The following LRP1B variants were observed in gnomAD, a reference collection of about 807,000 sequenced individuals.
The protein encoded by LRP1B is LDL receptor related protein 1B.
A neutral mutation model predicts 556.6 loss-of-function variants in LRP1B; 217 were observed. The observed-to-expected ratio is 0.39, with a 90% CI of 0.35 to 0.44. The LOEUF (loss-of-function observed/expected upper bound fraction) is 0.44, where lower values mean the gene tolerates loss of function less well. Ranked by LOEUF, LRP1B falls within the 20% of genes least tolerant of loss-of-function variation. The pLI is 1.00. For synonymous variants in LRP1B, 2,047 were observed against 1,865.8 expected, an observed-to-expected ratio of 1.10 and a Z score of -2.50; for missense variants, 5,053 against 5,620.8, an observed-to-expected ratio of 0.90 and a Z score of 3.23.
chr2:141,354,743 C>G (rs937130326), intron 3 of LRP1B, among the ~76,000 whole-genome samples: 2 of 151,602 alleles, frequency 1.3e-5, no homozygotes, highest in African/African-American at 4.9e-5. Context: ...GAAACAGCTT[C>G]TACTCAAGTA....
At chr2:141,533,511 A>G (rs1684963705) in intron 2 of LRP1B, among the ~76,000 whole-genome samples, 1 of 152,344 alleles carries the variant, frequency 6.6e-6, no homozygotes, top group African/African-American at 2.4e-5. Context: ...CCAATTACGG[A>G]TAAATGCTAT....
chr2:140,530,454 T>C (rs750470049), intron 47 of LRP1B, among the ~76,000 whole-genome samples: 3 of 152,084 alleles, frequency 2.0e-5, no homozygotes, highest in African/African-American at 7.2e-5. Flanking sequence ...ATAATATAAG[T>C]CTTTATCAGA....
At chr2:141,492,413 C>T (rs1683368504) in intron 2 of LRP1B, among the ~76,000 whole-genome samples, 1 of 152,220 alleles carries the variant, frequency 6.6e-6, no homozygotes, top group Admixed American at 6.5e-5. Context: ...GAGAAGTTTG[C>T]TCTGTGACTG....
chr2:141,428,421 A>C (rs1680449627), intron 3 of LRP1B, among the ~76,000 whole-genome samples: 1 of 152,202 alleles, frequency 6.6e-6, no homozygotes, highest in African/African-American at 2.4e-5. Context: ...ATATTTAAAA[A>C]AAAATCTAAT....
At chr2:141,642,407 A>G (rs144065045) in intron 2 of LRP1B, among the ~76,000 whole-genome samples, 26 of 152,288 alleles carry the variant, frequency 1.7e-4, no homozygotes, top group African/African-American at 6.3e-4. Flanking sequence ...CAAATTTCCT[A>G]TCATATGAGC....
intron 1 of LRP1B, among the ~76,000 whole-genome samples, chr2:142,039,836 A>G (rs1704004975): frequency 1.3e-5 from 2 of 151,586 alleles, no homozygotes; most frequent in Admixed American, 6.6e-5. Flanking sequence ...AGTCATTGCT[A>G]AAGTGTTGAA....
chr2:141,435,216 G>GTACAAAAATATATT (rs1680718564), intron 3 of LRP1B, among the ~76,000 whole-genome samples: 1 of 152,062 alleles, frequency 6.6e-6, no homozygotes. Flanking sequence ...TTGGTCAGAG[G>GTACAAAAATATATT]TTGTATTTAA....
At chr2:141,812,266 A>G (rs550752378) in intron 1 of LRP1B, among the ~76,000 whole-genome samples, 1 of 152,214 alleles carries the variant, frequency 6.6e-6, no homozygotes, top group South Asian at 2.1e-4. Context: ...GAGACCATAT[A>G]ATTTATCACC....
At position 141,045,717 on chromosome 2, in the gene LRP1B, T is replaced by C. The variant is rs187422905; in HGVS notation, c.1789+3269A>G. On this transcript the variant is annotated intron_variant, in intron 11 of 90. Transcript: ENST00000389484. ...AAGCTTTATCCTCTTTACTGAAGCA[T>C]TCCTATCACCTAGAACAGCACCTGG... is the stretch of plus-strand genomic sequence containing the variant. Among the ~76,000 whole-genome samples, 406 of 152,214 alleles carry C rather than the reference T, an allele frequency of 2.7e-3. 1 individual carries two copies. Among genetic ancestry groups the C allele is most frequent in the Non-Finnish European group, 4.8e-3 (328 of 67,998 alleles).
chr2:140,691,003 G>A lies in LRP1B; in HGVS notation c.6799+9247C>T, dbSNP rs187370483. ...TTTTACATTTTGAGAACGAATGTCT[G>A]TATTCTATGATCAAATTAAAACTAT... On this transcript the variant is annotated intron_variant, in intron 41 of 90. Transcript: ENST00000389484. Among the ~76,000 whole-genome samples, 211 of 152,194 alleles carry A rather than the reference G, an allele frequency of 1.4e-3. 1 individual carries two copies. Among genetic ancestry groups the A allele is most frequent in the African/African-American group, 4.7e-3 (197 of 41,536 alleles).
rs749846251 is a variant in LRP1B, at chr2:140,982,128, T to C, written c.2887+32A>G. ...GTAGGGTATCCTATCTGACACAATC[T>C]GTAATAATAACATGTCTCACTCACA... On this transcript the variant is annotated intron_variant, in intron 18 of 90. Transcript: ENST00000389484. 22 of 1,527,530 alleles carry C rather than the reference T, an allele frequency of 1.4e-5. No homozygotes were observed. The Admixed American group carries it at 3.7e-4, about 26-fold the overall frequency. The allele number at this position is 1,527,530 out of a possible 1,614,324, so 94.6% of individuals were successfully genotyped here.
At chr2:141,250,092 G>T (rs2105332529) in intron 4 of LRP1B, among the ~76,000 whole-genome samples, 1 of 152,308 alleles carries the variant, frequency 6.6e-6, no homozygotes, top group South Asian at 2.1e-4. Context: ...TATTAAGTGG[G>T]TTAAACTGAT....
At chr2:141,227,759 T>G (rs1683302079) in intron 6 of LRP1B, among the ~76,000 whole-genome samples, 1 of 152,206 alleles carries the variant, frequency 6.6e-6, no homozygotes, top group East Asian at 1.9e-4. Context: ...ATTACAATGA[T>G]CAAACATTAC....
At chr2:140,942,674 T>A (rs1172565721) in intron 20 of LRP1B, among the ~76,000 whole-genome samples, 1 of 150,990 alleles carries the variant, frequency 6.6e-6, no homozygotes, top group East Asian at 2.0e-4. Flanking sequence ...GAATTTCATA[T>A]CCTGCCAAAC....
intron 21 of LRP1B, among the ~76,000 whole-genome samples, chr2:140,920,511 T>C (rs951712061): frequency 2.6e-5 from 4 of 152,018 alleles, no homozygotes; most frequent in Admixed American, 1.3e-4. Context: ...AGTTTAAAGG[T>C]CTTATAGCTT....
intron 2 of LRP1B, among the ~76,000 whole-genome samples, chr2:141,740,725 G>A (rs1386481543): frequency 6.6e-6 from 1 of 152,112 alleles, no homozygotes; most frequent in Non-Finnish European, 1.5e-5. Flanking sequence ...TTGTGGCTGT[G>A]GACTCTGAAG....
In LRP1B at chr2:141,822,122, C is replaced by CAGAG. The variant is rs1427035383; in HGVS notation, c.83-11722_83-11721insCTCT. On this transcript the variant is annotated intron_variant, in intron 1 of 90. Transcript: ENST00000389484. The stretch of plus-strand genomic sequence containing the variant: ...ACACACACACACACACACACACACA[C>CAGAG]ACACACACAGAGAGAGAGAGAGAGA... 9.4e-3 allele frequency among the ~76,000 whole-genome samples: 997 copies of CAGAG among 106,124 alleles called. 7 individuals carry two copies. Among genetic ancestry groups the CAGAG allele is most frequent in the Non-Finnish European group, 0.012 (653 of 54,512 alleles). The allele number at this position is 106,124 out of a possible 152,430, so 69.6% of individuals were successfully genotyped here.
At chr2:142,034,848 A>G (rs947080720) in intron 1 of LRP1B, among the ~76,000 whole-genome samples, 2 of 151,784 alleles carry the variant, frequency 1.3e-5, no homozygotes, top group African/African-American at 4.8e-5. Flanking sequence ...GGCAAATAGT[A>G]GCTCTTCAAT....
chr2:141,166,529 T>A (rs1680269826), intron 7 of LRP1B, among the ~76,000 whole-genome samples: 1 of 151,940 alleles, frequency 6.6e-6, no homozygotes, highest in Non-Finnish European at 1.5e-5. Context: ...TTCTTTATGT[T>A]ACAAACATTC....
Sources: gnomAD v4.1 joint callset for allele counts (sites outside exome capture counted in the v4.1 genomes callset) on GRCh38, gnomAD v4.1.1 for gene constraint, MANE v1.5 for transcripts, NCBI Gene and HGNC (gene_info 2026-07-23, HGNC 2026-07-21) for gene names.